Variants in DLG2 observed in about 807,000 individuals in gnomAD.
DLG2 encodes the protein discs large MAGUK scaffold protein 2.
DLG2 carries 45 observed loss-of-function variants against 132.5 expected under a neutral mutation model. The ratio of observed to expected loss-of-function variants is 0.34; its 90% CI spans 0.27 to 0.44. The LOEUF (loss-of-function observed/expected upper bound fraction) is 0.44. DLG2 is among the 20% of genes least tolerant of loss of function. The pLI is 1.00. For missense variants in DLG2, 1,045 were observed against 1,196.9 expected (o/e 0.87, Z 1.87); for synonymous variants, 424 against 419.6 (o/e 1.01, Z -0.13).
intron 8 of DLG2, among the ~76,000 whole-genome samples, chr11:84,248,353 C>T (rs2097330050): frequency 6.6e-6 from 1 of 151,508 alleles, no homozygotes; most frequent in African/African-American, 2.4e-5. Context: ...AATACTTTAG[C>T]TGCTATCAAC....
At chr11:83,900,076 C>G (rs1347245082) in intron 15 of DLG2, among the ~76,000 whole-genome samples, 2 of 152,154 alleles carry the variant, frequency 1.3e-5, no homozygotes, top group Non-Finnish European at 2.9e-5. Context: ...AAACAGGAAG[C>G]ATTTTCCCCC....
intron 6 of DLG2, among the ~76,000 whole-genome samples, chr11:84,898,190 A>T (rs1175625182): frequency 6.6e-6 from 1 of 151,954 alleles, no homozygotes; most frequent in East Asian, 1.9e-4. Flanking sequence ...CTAAGTTTGT[A>T]TTAGTTGAGC....
chr11:83,535,359 A>C (rs2095855193), intron 20 of DLG2, among the ~76,000 whole-genome samples: 1 of 152,150 alleles, frequency 6.6e-6, no homozygotes, highest in African/African-American at 2.4e-5. Context: ...CAGAACTCAC[A>C]CAGGTTCCAA....
In DLG2 at chr11:84,364,906, C is replaced by T. The variant is rs1325411379; in HGVS notation, c.520-113615G>A. ...AGCTTTTTGATGGTGCTGCTGGATTCGGTTTGCCAGTATTTTATTGAGGAT... is the reference window on the plus strand; with the variant it reads ...AGCTTTTTGATGGTGCTGCTGGATTTGGTTTGCCAGTATTTTATTGAGGAT... On this transcript the variant is annotated intron_variant, in intron 7 of 27. Transcript: ENST00000376104. 5.9e-5 allele frequency among the ~76,000 whole-genome samples: 9 copies of T among 152,154 alleles called. No individual in the cohort carries two copies. In the South Asian group the frequency reaches 8.3e-4, roughly 14 times the overall value.
rs1255626692 is a variant in DLG2, at chr11:83,543,955, T to C, written c.1941-2097A>G. ...GTGCCTAAACTGTTTGTACAAACAA[T>C]ATCATTTATACTGAACACCTGCTTT... On this transcript the variant is annotated intron_variant, in intron 19 of 27. Coordinates refer to ENST00000376104, the MANE Select transcript of DLG2 (RefSeq NM_001142699.3). Among the ~76,000 whole-genome samples, 3 of 152,282 alleles carry C rather than the reference T, an allele frequency of 2.0e-5. No individual in the cohort carries two copies. The East Asian group carries it at 5.8e-4, about 29-fold the overall frequency.
At chr11:84,591,094 A>G (rs746313438) in intron 6 of DLG2, among the ~76,000 whole-genome samples, 1 of 151,992 alleles carries the variant, frequency 6.6e-6, no homozygotes, top group East Asian at 1.9e-4. Context: ...GCTCCCTCCT[A>G]TTAGTAGCTC....
intron 6 of DLG2, among the ~76,000 whole-genome samples, chr11:84,620,086 G>T (rs1594006838): frequency 6.6e-6 from 1 of 151,286 alleles, no homozygotes. Flanking sequence ...TTATTATAAA[G>T]AATTTTTAAT....
intron 8 of DLG2, among the ~76,000 whole-genome samples, chr11:84,235,325 G>A (rs1045615154): frequency 1.3e-5 from 2 of 152,120 alleles, no homozygotes; most frequent in Non-Finnish European, 2.9e-5. Context: ...GAGCTGTATC[G>A]AGGGCCGTAG....
In DLG2 at chr11:85,621,616, A is replaced by G. The variant is rs551375007; in HGVS notation, c.-93+4971T>C. On this transcript the variant is annotated intron_variant, in intron 2 of 27. Transcript: ENST00000376104. Reference sequence around the variant, plus strand: ...TTTGAGGGATTCAAGTCTTCAGTGGAAGAAGTAACTTCAGATGGAATGGAA... The same window carrying G: ...TTTGAGGGATTCAAGTCTTCAGTGGGAGAAGTAACTTCAGATGGAATGGAA... Among the ~76,000 whole-genome samples, 28 of 152,354 alleles carry G rather than the reference A, an allele frequency of 1.8e-4. 1 individual carries two copies. The South Asian group carries it at 4.8e-3, about 26-fold the overall frequency.
chr11:83,701,156 T>G (rs1452639041), intron 18 of DLG2, among the ~76,000 whole-genome samples: 2 of 152,044 alleles, frequency 1.3e-5, no homozygotes, highest in East Asian at 3.9e-4. Flanking sequence ...AGCTGCCATA[T>G]TGTTAGTTAT....
intron 7 of DLG2, among the ~76,000 whole-genome samples, chr11:84,489,707 A>G (rs917023844): frequency 6.6e-6 from 1 of 152,188 alleles, no homozygotes; most frequent in South Asian, 2.1e-4. Flanking sequence ...ATTGATTTAC[A>G]TGGACTTTTC....
At chr11:83,485,822 A>T (rs1387256916) in intron 21 of DLG2, among the ~76,000 whole-genome samples, 4 of 152,174 alleles carry the variant, frequency 2.6e-5, no homozygotes, top group African/African-American at 9.6e-5. Flanking sequence ...TTTAGGAAAC[A>T]TTAAAGTACT....
chr11:84,794,294 A>G (rs980507077), intron 6 of DLG2, among the ~76,000 whole-genome samples: 15 of 152,346 alleles, frequency 9.8e-5, no homozygotes, highest in Admixed American at 6.5e-4. Flanking sequence ...AACACAAAGG[A>G]TAAATGTTTG....
chr11:84,893,172 C>A (rs182192130), intron 6 of DLG2, among the ~76,000 whole-genome samples: 2 of 152,084 alleles, frequency 1.3e-5, no homozygotes, highest in Non-Finnish European at 2.9e-5. Flanking sequence ...GGTCTCACTC[C>A]GATCTTTCTC....
At chr11:85,280,382 A>C (rs1349685591) in intron 4 of DLG2, among the ~76,000 whole-genome samples, 1 of 152,078 alleles carries the variant, frequency 6.6e-6, no homozygotes, top group African/African-American at 2.4e-5. Flanking sequence ...AGATAGGTTA[A>C]ATAATTTGAC....
At chr11:84,740,469 A>G (rs926540329) in intron 6 of DLG2, among the ~76,000 whole-genome samples, 2 of 152,102 alleles carry the variant, frequency 1.3e-5, no homozygotes, top group Non-Finnish European at 2.9e-5. Flanking sequence ...AATTAGGAGG[A>G]CGAGGTGTAG....
At chr11:85,290,017 C>T (rs1404545107) in intron 3 of DLG2, among the ~76,000 whole-genome samples, 1 of 152,104 alleles carries the variant, frequency 6.6e-6, no homozygotes, top group Non-Finnish European at 1.5e-5. Flanking sequence ...ATGTTCTATC[C>T]AGCCATATAT....
intron 3 of DLG2, among the ~76,000 whole-genome samples, chr11:85,500,254 GT>G (rs1010180965): frequency 6.6e-6 from 1 of 151,266 alleles, no homozygotes; most frequent in Non-Finnish European, 1.5e-5. Context: ...AAAGTCTAAA[GT>G]TACAAAATCA....
At chr11:83,883,868 T>C (rs930653858) in intron 15 of DLG2, among the ~76,000 whole-genome samples, 9 of 151,980 alleles carry the variant, frequency 5.9e-5, no homozygotes, top group African/African-American at 2.2e-4. Context: ...ACTGAATTTA[T>C]TATAGCTTAA....
Sources: gnomAD v4.1 joint callset for allele counts (sites outside exome capture counted in the v4.1 genomes callset) on GRCh38, gnomAD v4.1.1 for gene constraint, MANE v1.5 for transcripts, NCBI Gene and HGNC (gene_info 2026-07-23, HGNC 2026-07-21) for gene names.